ZBTB45: variants seen among roughly 807,000 people sequenced by gnomAD.
ZBTB45 encodes the protein zinc finger and BTB domain containing 45.
In ZBTB45, 22 loss-of-function variants were observed where a neutral mutation model predicts 28.4. The observed-to-expected ratio is 0.77, with a 90% CI of 0.55 to 1.10. The LOEUF is 1.10. Among genes scored for constraint, ZBTB45 ranks in the 50% least tolerant of loss-of-function variants. ZBTB45 has a pLI of 0.00. For synonymous variants in ZBTB45, 361 were observed against 332.3 expected (o/e 1.09, Z -0.94); for missense variants, 656 against 750.2 (o/e 0.87, Z 1.47).
Position 58,515,341 on chromosome 19 carries a change from C to T in ZBTB45, c.1280-1031G>A, listed in dbSNP as rs1385081611. Among the ~76,000 whole-genome samples the T allele has an allele frequency of 6.6e-6, 1 of 151,760 alleles. No homozygotes were observed. Among genetic ancestry groups the T allele is most frequent in the Non-Finnish European group, 1.5e-5 (1 of 67,920 alleles). On this transcript the variant is annotated intron_variant, in intron 2 of 2. Coordinates refer to ENST00000594051, the MANE Select transcript of ZBTB45 (RefSeq NM_001316979.2). This position sits in a 1 kb window ranked among gnomAD's most constrained non-coding sequence, Gnocchi z 4.7. ...AAAAAAAATTAAAAAAAAAAAAACC[C>T]TATCTCAGTGGCAGTGGACTGAAAG...
At chr19:58,534,334 G>C (rs2053649399) in intron 1 of ZBTB45, among the ~76,000 whole-genome samples, 1 of 152,108 alleles carries the variant, frequency 6.6e-6, no homozygotes, top group Admixed American at 6.6e-5. Flanking sequence ...AAATGCCACT[G>C]AATGTACACT....
intron 1 of ZBTB45, among the ~76,000 whole-genome samples, chr19:58,525,113 G>A (rs939958093): frequency 1.3e-5 from 2 of 152,064 alleles, no homozygotes; most frequent in African/African-American, 2.4e-5. Context: ...AGAACCTCTC[G>A]GCTGTGCCTG....
chr19:58,517,612 T>C lies in ZBTB45; in HGVS notation c.62A>G (p.Glu21Gly), dbSNP rs745563454. ...CCCAAGCCTCTGCCCATTGAGGGTC[T>C]CAAGCAGAGAGCGTGAGAAGTTCTG... ...HLQNFSRSLL[E>G]TLNGQRLGGH... The change falls in exon 2 of 3, where the codon GAG becomes GGG. Residue 21 changes from glutamate to glycine, a missense_variant. This residue lies in a region of ZBTB45 where 105 missense variants were observed against 152.4 expected (regional missense o/e 0.69). Coordinates refer to ENST00000594051, the MANE Select transcript of ZBTB45 (RefSeq NM_001316979.2). 1 of 1,613,890 alleles carries C rather than the reference T, an allele frequency of 6.2e-7. No homozygotes were observed. The highest frequency in any genetic ancestry group is 8.5e-7 in the Non-Finnish European group (1 of 1,179,956).
At chr19:58,527,862 G>A (rs2122588674) in intron 1 of ZBTB45, among the ~76,000 whole-genome samples, 1 of 152,318 alleles carries the variant, frequency 6.6e-6, no homozygotes, top group Non-Finnish European at 1.5e-5. Flanking sequence ...AGCATTTTGG[G>A]AGGCCGAGGT....
In ZBTB45 at chr19:58,513,862, G is replaced by A. The variant is rs940050393; in HGVS notation, c.*192C>T. The A allele has an allele frequency of 9.4e-6, 6 of 639,692 alleles. No homozygotes were observed. In the African/African-American group the frequency reaches 1.2e-4, roughly 12 times the overall value. 39.6% of individuals were successfully genotyped at this position (639,692 alleles called of 1,614,324 possible). ...AGCCCCAGCCCGGCACCACCTGGAGGGTTCAAGTACATGGAGGAGAGGAGT... is the reference window on the plus strand; with the variant it reads ...AGCCCCAGCCCGGCACCACCTGGAGAGTTCAAGTACATGGAGGAGAGGAGT... On this transcript the variant is annotated 3_prime_UTR_variant, in exon 3 of 3. Coordinates refer to ENST00000594051, the MANE Select transcript of ZBTB45 (RefSeq NM_001316979.2).
chr19:58,516,355 G>C lies in ZBTB45; in HGVS notation c.1279+40C>G. The C allele has an allele frequency of 1.2e-6, 2 of 1,611,172 alleles. No individual in the cohort carries two copies. The highest frequency in any genetic ancestry group is 1.1e-5 in the South Asian group (1 of 90,744). ...AATTCCCCCTCAGGTTTAACTCTCC[G>C]ATGAGAGATTGCTCCCTCTCCTCCC... On this transcript the variant is annotated intron_variant, in intron 2 of 2. Transcript: ENST00000594051. This position sits in a 1 kb window ranked among gnomAD's most constrained non-coding sequence, Gnocchi z 6.2.
At chr19:58,537,331 G>A (rs1410768256) in intron 1 of ZBTB45, among the ~76,000 whole-genome samples, 2 of 152,142 alleles carry the variant, frequency 1.3e-5, no homozygotes, top group Non-Finnish European at 2.9e-5. Context: ...TTGTGTGGCT[G>A]CCTCATACTG....
chr19:58,517,805 C>T (rs1348355826), intron 1 of ZBTB45, 132 bp from the exon 2 acceptor site: 3 of 758,038 alleles, frequency 4.0e-6, no homozygotes, highest in East Asian at 2.7e-5. Context: ...CTAACCCATC[C>T]CTCCCCAGCT....
At chr19:58,538,525 C>A (rs1339228310) in intron 1 of ZBTB45, among the ~76,000 whole-genome samples, 1 of 152,098 alleles carries the variant, frequency 6.6e-6, no homozygotes, top group Non-Finnish European at 1.5e-5. Context: ...CGGGCTGGAA[C>A]AAAGGCAGAG....
intron 1 of ZBTB45, among the ~76,000 whole-genome samples, chr19:58,528,618 G>A (rs985002189): frequency 1.3e-5 from 2 of 152,144 alleles, no homozygotes; most frequent in Non-Finnish European, 2.9e-5. Context: ...AATTAGGCTG[G>A]GCGCAGTGGC....
chr19:58,527,186 C>T (rs991486858), intron 1 of ZBTB45, among the ~76,000 whole-genome samples: 14 of 152,162 alleles, frequency 9.2e-5, no homozygotes, highest in African/African-American at 3.1e-4. Flanking sequence ...CCCACTGCTC[C>T]TCGATGCCCT....
intron 1 of ZBTB45, 122 bp from the exon 2 acceptor site, chr19:58,517,795 C>G (rs2053532437): frequency 1.2e-6 from 1 of 851,232 alleles, no homozygotes; most frequent in Admixed American, 2.5e-5. Flanking sequence ...CCAAGGCGCG[C>G]TAACCCATCC....
At chr19:58,530,560 C>T (rs905354163) in intron 1 of ZBTB45, among the ~76,000 whole-genome samples, 2 of 152,130 alleles carry the variant, frequency 1.3e-5, no homozygotes, top group African/African-American at 4.8e-5. Flanking sequence ...CCCGCCTCGG[C>T]CTCCCAAAGT....
intron 1 of ZBTB45, among the ~76,000 whole-genome samples, chr19:58,538,115 G>A (rs998504594): frequency 6.6e-6 from 1 of 152,016 alleles, no homozygotes; most frequent in Admixed American, 6.6e-5. Context: ...TGGGATTACA[G>A]ACGTGAGCCA....
chr19:58,525,624 G>C (rs1300033175), intron 1 of ZBTB45, among the ~76,000 whole-genome samples: 1 of 152,202 alleles, frequency 6.6e-6, no homozygotes, highest in Non-Finnish European at 1.5e-5. Context: ...TAGAAGCAAT[G>C]GCTGGGACCA....
chr19:58,533,272 GCC>G (rs1403832522), intron 1 of ZBTB45, among the ~76,000 whole-genome samples: 16 of 152,182 alleles, frequency 1.1e-4, no homozygotes, highest in Non-Finnish European at 4.4e-5. Flanking sequence ...CCATTATGGG[GCC>G]CCACTATCAG....
intron 1 of ZBTB45, among the ~76,000 whole-genome samples, chr19:58,530,209 G>GCACACACACA (rs111340524): frequency 0.12 from 18,002 of 148,438 alleles, 1,359 homozygotes; most frequent in Middle Eastern, 0.21. Flanking sequence ...GAGAGCGCAT[G>GCACACACACA]CACACACACA....
intron 1 of ZBTB45, among the ~76,000 whole-genome samples, chr19:58,526,773 C>T (rs937682924): frequency 6.6e-6 from 1 of 150,996 alleles, no homozygotes; most frequent in East Asian, 1.9e-4. Context: ...CCTCGTGATC[C>T]GCCCGCCTCG....
At chr19:58,524,104 T>C (rs1188181466), upstream of ZBTB45, among the ~76,000 whole-genome samples, 3 of 140,268 alleles carry the variant, frequency 2.1e-5, 1 homozygote, top group Admixed American at 7.3e-5. Context: ...CGGTGGCTTA[T>C]GCCTGTCATC....
Sources: gnomAD v4.1 joint callset for allele counts (sites outside exome capture counted in the v4.1 genomes callset) on GRCh38, gnomAD v4.1.1 for gene constraint, gnomAD v4.1.1 regional missense constraint, Gnocchi (gnomAD v3.1) non-coding constraint, MANE v1.5 for transcripts, NCBI Gene and HGNC (gene_info 2026-07-23, HGNC 2026-07-21) for gene names.